The following DNM3 variants were observed in gnomAD, a reference collection of about 807,000 sequenced individuals.
DNM3 encodes dynamin 3, also known as dynamin-3.
In DNM3, 47 loss-of-function variants were observed where a neutral mutation model predicts 101.6. The observed-to-expected ratio is 0.46, with a 90% CI of 0.37 to 0.59. The LOEUF is 0.59. Ranked by LOEUF, DNM3 falls within the 20% of genes least tolerant of loss-of-function variation. DNM3 has a pLI of 0.00. For missense variants in DNM3, 849 were observed against 1,085.7 expected (o/e 0.78, Z 3.06); for synonymous variants, 385 against 387.9 (o/e 0.99, Z 0.09).
intron 14 of DNM3, among the ~76,000 whole-genome samples, chr1:172,209,707 A>G (rs368384442): frequency 1.9e-4 from 29 of 152,104 alleles, no homozygotes; most frequent in African/African-American, 7.0e-4. Flanking sequence ...GTAAGCACAT[A>G]TAACCAGTGA....
chr1:172,264,657 T>C (rs1406050419), intron 15 of DNM3, among the ~76,000 whole-genome samples: 1 of 152,232 alleles, frequency 6.6e-6, no homozygotes, highest in African/African-American at 2.4e-5. Context: ...ATGAGATGCA[T>C]TGACTTGGAG....
intron 20 of DNM3, chr1:172,418,241 CT>C (rs776000799): frequency 6.3e-6 from 8 of 1,273,788 alleles, no homozygotes; most frequent in Non-Finnish European, 8.2e-6. Context: ...CTGTGTCTTT[CT>C]TTTTGTTATT....
chr1:171,899,004 G>A (rs79120203), intron 1 of DNM3, among the ~76,000 whole-genome samples: 216 of 152,292 alleles, frequency 1.4e-3, no homozygotes, highest in African/African-American at 4.9e-3. Flanking sequence ...AGTGTCCTCC[G>A]GATGTTGGGA....
At chr1:171,909,322 A>G (rs1049723786) in intron 1 of DNM3, among the ~76,000 whole-genome samples, 5 of 151,926 alleles carry the variant, frequency 3.3e-5, no homozygotes, top group Non-Finnish European at 5.9e-5. Flanking sequence ...AATCCCAGCT[A>G]CTTGGGAGGC....
intron 12 of DNM3, among the ~76,000 whole-genome samples, chr1:172,089,180 T>C (rs1347333010): frequency 6.6e-6 from 1 of 152,246 alleles, no homozygotes; most frequent in African/African-American, 2.4e-5. Flanking sequence ...TTTATTAATA[T>C]GGATTTTATT....
At chr1:172,112,955 T>G (rs916986844) in intron 13 of DNM3, among the ~76,000 whole-genome samples, 5 of 152,240 alleles carry the variant, frequency 3.3e-5, no homozygotes, top group African/African-American at 9.6e-5. Flanking sequence ...TTCTCAGAAT[T>G]GTACCAGTAA....
At chr1:172,305,038 A>G (rs1015625094) in intron 15 of DNM3, among the ~76,000 whole-genome samples, 8 of 152,270 alleles carry the variant, frequency 5.3e-5, no homozygotes, top group Non-Finnish European at 1.2e-4. Flanking sequence ...AGATCAGAGC[A>G]GAACTGAAGG....
intron 1 of DNM3, among the ~76,000 whole-genome samples, chr1:171,907,426 G>T (rs1368077044): frequency 6.6e-6 from 1 of 152,112 alleles, no homozygotes; most frequent in Non-Finnish European, 1.5e-5. Context: ...GGGAGGCGGA[G>T]GTTGCGGTGA....
intron 18 of DNM3, among the ~76,000 whole-genome samples, chr1:172,386,542 T>C (rs568850371): frequency 6.6e-5 from 10 of 152,244 alleles, no homozygotes; most frequent in Non-Finnish European, 1.5e-4. Flanking sequence ...ACAGAGTGCA[T>C]CTCTTTCACT....
At chr1:172,131,057 G>A in intron 13 of DNM3, 118 bp from the exon 14 acceptor site, 2 of 853,638 alleles carry the variant, frequency 2.3e-6, no homozygotes, top group Non-Finnish European at 3.7e-6. Flanking sequence ...GAGTTTGGAG[G>A]GAAAATACTA....
intron 1 of DNM3, among the ~76,000 whole-genome samples, chr1:171,892,632 A>T (rs942269625): frequency 3.3e-5 from 5 of 152,202 alleles, no homozygotes; most frequent in African/African-American, 1.2e-4. Context: ...TCATTTATGT[A>T]TACATGTATA....
At chr1:172,365,803 G>T (rs114022990) in intron 17 of DNM3, among the ~76,000 whole-genome samples, 1 of 151,914 alleles carries the variant, frequency 6.6e-6, no homozygotes, top group Non-Finnish European at 1.5e-5. Flanking sequence ...AGCGCAAAGA[G>T]ATGAGTAAAA....
intron 15 of DNM3, among the ~76,000 whole-genome samples, chr1:172,257,967 A>T (rs1050641755): frequency 1.3e-5 from 2 of 151,788 alleles, no homozygotes; most frequent in Non-Finnish European, 2.9e-5. Flanking sequence ...TCTGGTATAT[A>T]TCATTCTACT....
chr1:172,371,997 G>A (rs1186786867), intron 17 of DNM3, among the ~76,000 whole-genome samples: 2 of 147,808 alleles, frequency 1.4e-5, no homozygotes, highest in African/African-American at 5.0e-5. Context: ...CATGTGCCAT[G>A]CTGGTGTGCT....
chr1:172,103,903 A>T (rs182898725), intron 13 of DNM3, among the ~76,000 whole-genome samples: 9 of 152,324 alleles, frequency 5.9e-5, no homozygotes, highest in Admixed American at 2.6e-4. Context: ...CAGGAGGCTG[A>T]GGCAGGAGAA....
At chr1:172,293,965 C>T (rs2064038752) in intron 15 of DNM3, among the ~76,000 whole-genome samples, 1 of 152,166 alleles carries the variant, frequency 6.6e-6, no homozygotes, top group South Asian at 2.1e-4. Context: ...TCCAGCTGGC[C>T]ACGCGCTCCC....
chr1:172,114,345 G>T (rs568878840), intron 13 of DNM3, among the ~76,000 whole-genome samples: 8 of 152,310 alleles, frequency 5.3e-5, no homozygotes, highest in African/African-American at 1.9e-4. Context: ...GAAACATGTG[G>T]CAAAGAGTGG....
chr1:172,117,124 G>A (rs2055960842), intron 13 of DNM3, among the ~76,000 whole-genome samples: 1 of 151,674 alleles, frequency 6.6e-6, no homozygotes, highest in South Asian at 2.1e-4. Context: ...AGAATTGCTT[G>A]AACCTAGGAG....
chr1:171,988,867 C>A, intron 3 of DNM3, 78 bp from the exon 4 acceptor site: 6 of 1,285,674 alleles, frequency 4.7e-6, no homozygotes, highest in Non-Finnish European at 6.4e-6. Context: ...GAAGGCTGAG[C>A]TAAGTGACAA....
Sources: allele counts gnomAD v4.1 joint callset (sites outside exome capture counted in the v4.1 genomes callset), GRCh38; gene constraint gnomAD v4.1.1; transcripts MANE v1.5; gene names NCBI Gene and HGNC (gene_info 2026-07-23, HGNC 2026-07-21).